The following CNTNAP2 variants were observed in gnomAD, a reference collection of about 807,000 sequenced individuals.
The protein encoded by CNTNAP2 is contactin associated protein 2.
A neutral mutation model predicts 155.2 loss-of-function variants in CNTNAP2; 98 were observed. The observed-to-expected ratio is 0.63, with a 90% CI of 0.54 to 0.75. The LOEUF (loss-of-function observed/expected upper bound fraction) is 0.75, where lower values mean the gene tolerates loss of function less well. Among genes scored for constraint, CNTNAP2 ranks in the 30% least tolerant of loss-of-function variants. The pLI is 0.00. For missense variants in CNTNAP2, 1,727 were observed against 1,688.1 expected (o/e 1.02, Z -0.40); for synonymous variants, 651 against 631.2 (o/e 1.03, Z -0.47).
intron 1 of CNTNAP2, among the ~76,000 whole-genome samples, chr7:146,324,777 T>TTATATATATATATATATATATA (rs149639520): frequency 6.6e-6 from 1 of 150,460 alleles, no homozygotes; most frequent in Admixed American, 6.6e-5. Context: ...GGAAGAGTAA[T>TTATATATATATATATATATATA]TATATATATA....
At chr7:146,855,850 T>TA (rs1250906440) in intron 3 of CNTNAP2, among the ~76,000 whole-genome samples, 1 of 94,076 alleles carries the variant, frequency 1.1e-5, no homozygotes, top group African/African-American at 3.8e-5. Flanking sequence ...TATATATATA[T>TA]ATACACACTT....
intron 15 of CNTNAP2, among the ~76,000 whole-genome samples, chr7:148,090,595 G>A (rs1479371006): frequency 6.6e-6 from 1 of 152,004 alleles, no homozygotes; most frequent in African/African-American, 2.4e-5. Flanking sequence ...AATGATAAAA[G>A]ACAACAAGTG....
At chr7:147,977,723 C>T in intron 14 of CNTNAP2, 139 bp from the exon 15 acceptor site, 1 of 1,201,532 alleles carries the variant, frequency 8.3e-7, no homozygotes, top group Non-Finnish European at 1.2e-6. Context: ...GAGAGAACAA[C>T]TCTTTAACTG....
At chr7:148,206,744 C>T (rs1449508521) in intron 18 of CNTNAP2, among the ~76,000 whole-genome samples, 1 of 152,208 alleles carries the variant, frequency 6.6e-6, no homozygotes, top group African/African-American at 2.4e-5. Context: ...AAAACATAGC[C>T]TAGGTTGGGA....
chr7:146,922,114 G>A (rs540510523), intron 3 of CNTNAP2, among the ~76,000 whole-genome samples: 6 of 151,870 alleles, frequency 4.0e-5, no homozygotes, highest in Non-Finnish European at 5.9e-5. Flanking sequence ...TATATGACAT[G>A]CACAATCATT....
chr7:146,452,817 A>C (rs955749013), intron 1 of CNTNAP2, among the ~76,000 whole-genome samples: 12 of 152,230 alleles, frequency 7.9e-5, no homozygotes, highest in African/African-American at 2.9e-4. Flanking sequence ...AGCAGGGACC[A>C]AATTTGCTCT....
At chr7:148,251,917 T>C (rs1435090517) in intron 20 of CNTNAP2, among the ~76,000 whole-genome samples, 1 of 152,182 alleles carries the variant, frequency 6.6e-6, no homozygotes. Context: ...CAGTTCCATA[T>C]ACGTACCACA....
intron 1 of CNTNAP2, among the ~76,000 whole-genome samples, chr7:146,278,990 T>G (rs1800207534): frequency 6.6e-6 from 1 of 152,144 alleles, no homozygotes; most frequent in South Asian, 2.1e-4. Flanking sequence ...ATAAATGGCT[T>G]CAAAACTCTT....
intron 2 of CNTNAP2, among the ~76,000 whole-genome samples, chr7:146,803,421 A>G (rs1380013635): frequency 6.6e-6 from 1 of 152,158 alleles, no homozygotes; most frequent in South Asian, 2.1e-4. Context: ...TTAGGAGGTA[A>G]AGAACAATCC....
chr7:147,267,769 A>G (rs1333608171), intron 8 of CNTNAP2, among the ~76,000 whole-genome samples: 1 of 152,190 alleles, frequency 6.6e-6, no homozygotes, highest in Non-Finnish European at 1.5e-5. Flanking sequence ...CATAAAACTG[A>G]TATGTGTTGA....
intron 15 of CNTNAP2, among the ~76,000 whole-genome samples, chr7:147,994,573 C>T (rs1222842654): frequency 6.6e-6 from 1 of 152,086 alleles, no homozygotes; most frequent in Non-Finnish European, 1.5e-5. Flanking sequence ...GAATGGCTGT[C>T]AGAAGATCTG....
chr7:146,464,964 A>G (rs1028924842), intron 1 of CNTNAP2, among the ~76,000 whole-genome samples: 1 of 152,066 alleles, frequency 6.6e-6, no homozygotes, highest in African/African-American at 2.4e-5. Context: ...CCTTTTCTGC[A>G]GTCTATGATC....
At chr7:146,736,810 T>A (rs933288670) in intron 1 of CNTNAP2, among the ~76,000 whole-genome samples, 1 of 152,198 alleles carries the variant, frequency 6.6e-6, no homozygotes, top group Admixed American at 6.5e-5. Flanking sequence ...AACTGGATCA[T>A]ATGAGTAAGG....
intron 9 of CNTNAP2, among the ~76,000 whole-genome samples, chr7:147,385,508 G>A (rs1302642768): frequency 6.6e-6 from 1 of 152,180 alleles, no homozygotes; most frequent in Admixed American, 6.5e-5. Flanking sequence ...AAGAGAAATT[G>A]TCAAAATAAA....
chr7:146,727,987 G>A (rs920178319), intron 1 of CNTNAP2, among the ~76,000 whole-genome samples: 3 of 152,200 alleles, frequency 2.0e-5, no homozygotes, highest in African/African-American at 7.2e-5. Context: ...TTATGTTGTT[G>A]CTCACTAAGT....
At chr7:148,300,243 G>A (rs1328922533) in intron 21 of CNTNAP2, among the ~76,000 whole-genome samples, 3 of 152,144 alleles carry the variant, frequency 2.0e-5, no homozygotes, top group African/African-American at 7.2e-5. Flanking sequence ...CCTTTACCAA[G>A]GATTCTTAAG....
chr7:146,478,203 G>C (rs1255706094), intron 1 of CNTNAP2, among the ~76,000 whole-genome samples: 1 of 151,948 alleles, frequency 6.6e-6, no homozygotes, highest in Admixed American at 6.6e-5. Context: ...CCTGAGAGAA[G>C]AGTACAGAAT....
In CNTNAP2 at chr7:147,916,333, A is replaced by T. The variant is rs376743163; in HGVS notation, c.2255+12612A>T. On this transcript the variant is annotated intron_variant, in intron 14 of 23. Coordinates refer to ENST00000361727, the MANE Select transcript of CNTNAP2 (RefSeq NM_014141.6). ...ATCCTCCTGTCACCTCATGGATTGT[A>T]TCATGACAGAAGGGTAATTGGGCAC... Among the ~76,000 whole-genome samples the T allele has an allele frequency of 1.9e-3, 296 of 152,286 alleles. 1 individual carries two copies. Among genetic ancestry groups the T allele is most frequent in the African/African-American group, 6.8e-3 (281 of 41,554 alleles).
chr7:148,195,506 A>G (rs1795262504), intron 18 of CNTNAP2, among the ~76,000 whole-genome samples: 1 of 152,212 alleles, frequency 6.6e-6, no homozygotes, highest in South Asian at 2.1e-4. Context: ...TATTAAATTC[A>G]CAACCTAAGC....
Sources: allele counts gnomAD v4.1 joint callset (sites outside exome capture counted in the v4.1 genomes callset), GRCh38; gene constraint gnomAD v4.1.1; transcripts MANE v1.5; gene names NCBI Gene and HGNC (gene_info 2026-07-23, HGNC 2026-07-21).